Variants in GABPB1 observed in about 807,000 individuals in gnomAD.
GABPB1 encodes the protein GA-binding protein subunit beta-1.
In GABPB1, 15 loss-of-function variants were observed where a neutral mutation model predicts 45.9. The observed-to-expected ratio is 0.33, with a 90% CI of 0.22 to 0.50. The LOEUF (loss-of-function observed/expected upper bound fraction) is 0.50, where lower values mean the gene tolerates loss of function less well. Among genes scored for constraint, GABPB1 ranks in the 20% least tolerant of loss-of-function variants. The pLI, the probability that GABPB1 is intolerant of heterozygous loss-of-function variation, is 0.98. For missense variants in GABPB1, 252 were observed against 457.5 expected, an observed-to-expected ratio of 0.55 and a Z score of 4.10; for synonymous variants, 143 against 154.4, an observed-to-expected ratio of 0.93 and a Z score of 0.55.
At position 50,277,477 on chromosome 15, in the gene GABPB1, G is replaced by A. The variant is rs1376041173; in HGVS notation, c.*1155C>T. The A allele has an allele frequency of 1.3e-5, 2 of 151,178 alleles. No individual in the cohort carries two copies. The highest frequency in any genetic ancestry group is 4.9e-5 in the African/African-American group (2 of 41,152). The allele number at this position is 151,178 out of a possible 1,614,324, so 9.4% of individuals were successfully genotyped here. A position where few individuals can be genotyped will look rare whatever the true frequency, so the allele number is the denominator to read the frequency against. The stretch of plus-strand genomic sequence containing the variant: ...AGTGAACAGTCTGCCAGTGTTTAAT[G>A]TCCATACATTGTGGAATTCAACAAT... On this transcript the variant is annotated 3_prime_UTR_variant, in exon 9 of 9. Transcript: ENST00000380877.
At chr15:50,319,344 C>T (rs945757453) in intron 1 of GABPB1, among the ~76,000 whole-genome samples, 2 of 152,076 alleles carry the variant, frequency 1.3e-5, no homozygotes, top group African/African-American at 2.4e-5. Context: ...TATATTGCAT[C>T]GTGGTGAAGT....
At chr15:50,282,813 G>T (rs1260480037) in intron 8 of GABPB1, among the ~76,000 whole-genome samples, 3 of 152,074 alleles carry the variant, frequency 2.0e-5, no homozygotes, top group African/African-American at 4.8e-5. Context: ...CCAGCACTCT[G>T]GGGGGCTGAA....
chr15:50,288,086 C>G (rs1446943684), intron 7 of GABPB1, among the ~76,000 whole-genome samples: 1 of 152,196 alleles, frequency 6.6e-6, no homozygotes, highest in Non-Finnish European at 1.5e-5. Flanking sequence ...GGGTCTCGCT[C>G]TGTCATCCAC....
chr15:50,325,741 C>T (rs1176815974), intron 1 of GABPB1, among the ~76,000 whole-genome samples: 8 of 151,600 alleles, frequency 5.3e-5, no homozygotes, highest in Admixed American at 4.0e-4. Context: ...CCCTGTTAGC[C>T]AGGATGGTCT....
intron 8 of GABPB1, among the ~76,000 whole-genome samples, chr15:50,281,360 C>CG (rs1491516810): frequency 2.0e-5 from 3 of 151,870 alleles, no homozygotes; most frequent in African/African-American, 7.3e-5. Flanking sequence ...TATAGGCGCA[C>CG]GCCACCATGC....
chr15:50,352,194 C>G (rs138788159), intron 1 of GABPB1: 2 of 151,932 alleles, frequency 1.3e-5, no homozygotes, highest in South Asian at 4.1e-4. Context: ...TTCCTCATGA[C>G]GTGCACTTTA....
chr15:50,348,043 G>GAAAA (rs763521486), intron 1 of GABPB1, among the ~76,000 whole-genome samples: 11 of 113,720 alleles, frequency 9.7e-5, no homozygotes, highest in African/African-American at 2.1e-4. Flanking sequence ...ACTCCATCTG[G>GAAAA]AAAAAAAAAA....
rs2046736751 is a variant in GABPB1 at position 50,301,297 on chromosome 15, T to C, written c.543A>G (p.Pro181=). 1.9e-6 allele frequency: 3 copies of C among 1,614,154 alleles called. No homozygotes were observed. Among genetic ancestry groups the C allele is most frequent in the Non-Finnish European group, 2.5e-6 (3 of 1,179,996 alleles). ...PDTVTIHAAT[P]QFIIGPGGVV... ...CCCCTCCAGGTCCAATGATAAACTGTGGTGTTGCAGCATGTATTGTCACAG... is the reference window on the plus strand; with the variant it reads ...CCCCTCCAGGTCCAATGATAAACTGCGGTGTTGCAGCATGTATTGTCACAG... The change falls in exon 5 of 9, where the codon CCA becomes CCG. Residue 181 remains proline, a synonymous_variant. Coordinates refer to ENST00000380877, the MANE Select transcript of GABPB1 (RefSeq NM_016654.5).
intron 1 of GABPB1, among the ~76,000 whole-genome samples, chr15:50,340,657 C>A (rs560423274): frequency 6.6e-6 from 1 of 151,076 alleles, no homozygotes; most frequent in South Asian, 2.1e-4. Context: ...AGAACTTCCT[C>A]ATTTTTTTAT....
chr15:50,286,806 T>C (rs2046174485), intron 7 of GABPB1, among the ~76,000 whole-genome samples: 1 of 152,196 alleles, frequency 6.6e-6, no homozygotes, highest in Non-Finnish European at 1.5e-5. Flanking sequence ...AGTAGCTCTT[T>C]ATATAAATGC....
chr15:50,280,386 G>A (rs2045935905), intron 8 of GABPB1, among the ~76,000 whole-genome samples: 1 of 152,182 alleles, frequency 6.6e-6, no homozygotes. Flanking sequence ...AGGGGTGGAA[G>A]GTTGGATGTT....
intron 6 of GABPB1, among the ~76,000 whole-genome samples, chr15:50,292,353 C>T (rs1197989958): frequency 6.8e-6 from 1 of 146,216 alleles, no homozygotes; most frequent in Non-Finnish European, 1.5e-5. Flanking sequence ...ATCATTGTAA[C>T]TTCTAATGTA....
intron 6 of GABPB1, among the ~76,000 whole-genome samples, chr15:50,291,618 G>A (rs1001745779): frequency 1.3e-5 from 2 of 149,462 alleles, no homozygotes; most frequent in Admixed American, 1.3e-4. Context: ...AAGCCACCAC[G>A]CCCAGCCTGA....
intron 1 of GABPB1, among the ~76,000 whole-genome samples, chr15:50,333,986 C>A (rs1022552175): frequency 4.0e-5 from 6 of 148,404 alleles, no homozygotes; most frequent in Non-Finnish European, 8.9e-5. Context: ...GCCCAGATTG[C>A]ACCATTGCAC....
intron 6 of GABPB1, among the ~76,000 whole-genome samples, chr15:50,293,998 T>TA (rs2046430432): frequency 6.6e-6 from 1 of 152,098 alleles, no homozygotes; most frequent in Non-Finnish European, 1.5e-5. Context: ...GCTCCCTGGA[T>TA]AAAAAATAAC....
intron 6 of GABPB1, among the ~76,000 whole-genome samples, chr15:50,292,813 T>C (rs544043500): frequency 1.3e-5 from 2 of 151,694 alleles, no homozygotes; most frequent in African/African-American, 4.8e-5. Context: ...TCCAGCCTAC[T>C]TTCATATAAC....
At chr15:50,300,755 A>G in intron 6 of GABPB1, 34 bp downstream of exon 6, 1 of 1,368,268 alleles carries the variant, frequency 7.3e-7, no homozygotes, top group Non-Finnish European at 1.0e-6. Flanking sequence ...TGAATCTGCA[A>G]TTTTAATGTA....
intron 1 of GABPB1, among the ~76,000 whole-genome samples, chr15:50,343,624 C>T (rs1348433173): frequency 1.3e-5 from 2 of 151,960 alleles, no homozygotes; most frequent in African/African-American, 4.8e-5. Context: ...CTGCAGCCTC[C>T]ACCTCCCAGG....
intron 2 of GABPB1, among the ~76,000 whole-genome samples, chr15:50,308,342 G>A (rs1166555843): frequency 6.6e-6 from 1 of 152,194 alleles, no homozygotes; most frequent in Non-Finnish European, 1.5e-5. Flanking sequence ...AAGTATTTAT[G>A]AGTTCAGGCT....
Sources: allele counts gnomAD v4.1 joint callset (sites outside exome capture counted in the v4.1 genomes callset), GRCh38; gene constraint gnomAD v4.1.1; transcripts MANE v1.5; gene names NCBI Gene and HGNC (gene_info 2026-07-23, HGNC 2026-07-21).